Variants in ADPRH observed in about 807,000 individuals in gnomAD.
ADPRH encodes ADP-ribosylarginine hydrolase.
Under a neutral mutation model 28.8 loss-of-function variants are expected in ADPRH, and 27 were observed. The ratio of observed to expected loss-of-function variants is 0.94; its 90% CI spans 0.69 to 1.29. ADPRH has a LOEUF of 1.29. Among genes scored for constraint, ADPRH ranks in the 50% most tolerant of loss-of-function variants. ADPRH has a pLI of 0.00. For missense variants in ADPRH, 419 were observed against 444.8 expected, an observed-to-expected ratio of 0.94 and a Z score of 0.52; for synonymous variants, 161 against 166.9, an observed-to-expected ratio of 0.96 and a Z score of 0.27.
rs1008153527 is a variant in ADPRH, at chr3:119,579,544, T to C, written c.-430T>C. The C allele has an allele frequency of 6.6e-6, 1 of 152,274 alleles. No individual in the cohort carries two copies. The highest frequency in any genetic ancestry group is 6.5e-5 in the Admixed American group (1 of 15,294). The allele number at this position is 152,274 out of a possible 1,614,324, so 9.4% of individuals were successfully genotyped here. On this transcript the variant is annotated 5_prime_UTR_variant, in exon 1 of 5. Coordinates refer to ENST00000357003, the MANE Select transcript of ADPRH (RefSeq NM_001125.4). ...TGCCGCCACATTCCGGGCACCAGGC[T>C]CCGGGCTCTTCAGAGCATTTGGGGC...
chr3:119,582,085 T>TTATTTG, intron 2 of ADPRH, 49 bp from the exon 3 acceptor site: 1 of 1,329,854 alleles, frequency 7.5e-7, no homozygotes, highest in Non-Finnish European at 1.0e-6. Context: ...TTTTTTCTGA[T>TTATTTG]TCTTCTTGCT....
intron 3 of ADPRH, among the ~76,000 whole-genome samples, chr3:119,585,653 G>C (rs1160646775): frequency 6.6e-6 from 1 of 152,222 alleles, no homozygotes; most frequent in African/African-American, 2.4e-5. Context: ...GGGTTCAAAC[G>C]ATTCTCCTGC....
chr3:119,584,646 G>A (rs555179956), intron 3 of ADPRH, among the ~76,000 whole-genome samples: 116 of 152,310 alleles, frequency 7.6e-4, no homozygotes, highest in Admixed American at 1.4e-3. Context: ...TCGGCAACTT[G>A]TTAGAGCCAC....
Position 119,582,463 on chromosome 3 carries a change from A to C in ADPRH, c.294A>C (p.Ala98=), listed in dbSNP as rs2082416485. ...GCATGGAAGACATGGATGGGCGGGC[A>C]CCAGGTGAGCACAGCCGGTGGGAGG... ...QDCMEDMDGR[A]PGGASVHNAM... Residue 98 remains alanine, a synonymous_variant, in exon 3 of 5, where the codon GCA becomes GCC. Coordinates refer to ENST00000357003, the MANE Select transcript of ADPRH (RefSeq NM_001125.4). 6.2e-7 allele frequency: 1 copy of C among 1,612,002 alleles called. No homozygotes were observed. The highest frequency in any genetic ancestry group is 1.3e-5 in the African/African-American group (1 of 74,922).
intron 3 of ADPRH, among the ~76,000 whole-genome samples, chr3:119,583,026 C>T (rs940401535): frequency 1.3e-5 from 2 of 152,096 alleles, no homozygotes; most frequent in African/African-American, 2.4e-5. Flanking sequence ...TAAAACCGGT[C>T]GCTGGTGCCA....
In ADPRH at chr3:119,582,248, C is replaced by G. The variant is rs779094664; in HGVS notation, c.79C>G (p.Leu27Val). The G allele has an allele frequency of 6.2e-7, 1 of 1,614,216 alleles. No individual in the cohort carries two copies. Among genetic ancestry groups the G allele is most frequent in the East Asian group, 2.2e-5 (1 of 44,886 alleles). The change falls in exon 3 of 5, where the codon CTC becomes GTC. Residue 27 changes from leucine to valine, a missense_variant. By Grantham distance (32) the Leu-to-Val change is conservative. Transcript: ENST00000357003. Reference sequence around the variant, plus strand: ...GTACTACAATGGGAAGTGGGAGTTCCTCCAGGATGGGGAGAAGATACACCG... The same window carrying G: ...GTACTACAATGGGAAGTGGGAGTTCGTCCAGGATGGGGAGAAGATACACCG... ...LGYYNGKWEF[L>V]QDGEKIHRQL...
At chr3:119,584,565 GA>G (rs574311449) in intron 3 of ADPRH, among the ~76,000 whole-genome samples, 2 of 150,918 alleles carry the variant, frequency 1.3e-5, no homozygotes, top group Non-Finnish European at 3.0e-5. Context: ...CCCATCTCAA[GA>G]AAAAAAAATG....
intron 3 of ADPRH, among the ~76,000 whole-genome samples, chr3:119,583,862 C>G (rs1422209190): frequency 6.6e-6 from 1 of 152,106 alleles, no homozygotes; most frequent in Non-Finnish European, 1.5e-5. Context: ...ACTGCAACCT[C>G]TGCCTCCCAG....
At position 119,589,899 on chromosome 3, in the gene ADPRH, A is replaced by T. The variant is rs2082500900; in HGVS notation, c.*2021A>T. 6.6e-6 allele frequency: 1 copy of T among 152,190 alleles called. No individual in the cohort carries two copies. The highest frequency in any genetic ancestry group is 1.5e-5 in the Non-Finnish European group (1 of 68,040). 9.4% of individuals were successfully genotyped at this position (152,190 alleles called of 1,614,324 possible). The stretch of plus-strand genomic sequence containing the variant: ...CGAATGGGGGGAAGAGATAAACTTT[A>T]TGCATAACATTAGGGTAAATCAATA... On this transcript the variant is annotated 3_prime_UTR_variant, in exon 5 of 5. Transcript: ENST00000357003.
At chr3:119,582,647 A>G (rs1044584614) in intron 3 of ADPRH, among the ~76,000 whole-genome samples, 180 bp downstream of exon 3, 1 of 152,224 alleles carries the variant, frequency 6.6e-6, no homozygotes, top group Non-Finnish European at 1.5e-5. Flanking sequence ...TTGGGAGGCC[A>G]AGGTGAGAGA....
rs1425711086 is a variant in ADPRH at position 119,586,376 on chromosome 3, G to A, written c.390G>A (p.Gly130=). The A allele has an allele frequency of 6.2e-7, 1 of 1,614,182 alleles. No individual in the cohort carries two copies. Among genetic ancestry groups the A allele is most frequent in the East Asian group, 2.2e-5 (1 of 44,886 alleles). ...TCAACAGCCATGAGGGCGGCTGTGG[G>A]GCTGCCATGCGGGCCATGTGCATCG... The part of the protein sequence containing the change: ...IPFNSHEGGC[G]AAMRAMCIGL... The change falls in exon 4 of 5, where the codon GGG becomes GGA. Residue 130 remains glycine, a synonymous_variant. Coordinates refer to ENST00000357003, the MANE Select transcript of ADPRH (RefSeq NM_001125.4).
chr3:119,582,617 A>C, intron 3 of ADPRH, 150 bp downstream of exon 3: 1 of 978,052 alleles, frequency 1.0e-6, no homozygotes, highest in South Asian at 1.8e-5. Flanking sequence ...GTGGTGGCTC[A>C]TACCTGTAAT....
chr3:119,584,419 T>C (rs2082439154), intron 3 of ADPRH, among the ~76,000 whole-genome samples: 1 of 151,934 alleles, frequency 6.6e-6, no homozygotes, highest in South Asian at 2.1e-4. Flanking sequence ...AAAAATTAGC[T>C]GGGTGTGATG....
chr3:119,586,877 C>T (rs4688018), intron 4 of ADPRH, among the ~76,000 whole-genome samples: 7 of 152,250 alleles, frequency 4.6e-5, no homozygotes, highest in East Asian at 1.9e-4. Flanking sequence ...CCCTCTTACA[C>T]GGAATCCTGT....
intron 3 of ADPRH, 57 bp from the exon 4 acceptor site, chr3:119,586,228 G>C: frequency 6.3e-7 from 1 of 1,593,784 alleles, no homozygotes; most frequent in Admixed American, 1.7e-5. Flanking sequence ...ATTTATTCCT[G>C]CTGGGGCCTT....
At position 119,588,144 on chromosome 3, in the gene ADPRH, A is replaced by C. The variant is rs2082483073; in HGVS notation, c.*266A>C. ...AAAAAATCTCATGACCTCATATTTG[A>C]GTCTTCATTTTCATCATCTACTTGT... On this transcript the variant is annotated 3_prime_UTR_variant, in exon 5 of 5. Coordinates refer to ENST00000357003, the MANE Select transcript of ADPRH (RefSeq NM_001125.4). 3.1e-6 allele frequency: 1 copy of C among 319,398 alleles called. No homozygotes were observed. The highest frequency in any genetic ancestry group is 1.5e-4 in the South Asian group (1 of 6,522). 19.8% of individuals were successfully genotyped at this position (319,398 alleles called of 1,614,324 possible).
rs780540799 is a variant in ADPRH at position 119,586,511 on chromosome 3, T to TGCTCTTTTTACA, written c.528_539dup (p.Leu177_Ala180dup). ...CAGGCTACCTGGGGGCCCTTGCGTC[T>TGCTCTTTTTACA]GCTCTTTTTACAGCCTATGCTGTGA... On this transcript the variant is annotated inframe_insertion, in exon 4 of 5. Transcript: ENST00000357003. 5.6e-6 allele frequency: 9 copies of TGCTCTTTTTACA among 1,614,132 alleles called. No homozygotes were observed. The Admixed American group carries it at 6.7e-5, about 12-fold the overall frequency.
At chr3:119,586,895 G>T (rs1171896686) in intron 4 of ADPRH, among the ~76,000 whole-genome samples, 2 of 152,168 alleles carry the variant, frequency 1.3e-5, no homozygotes, top group Non-Finnish European at 2.9e-5. Flanking sequence ...TGTCATTTTT[G>T]TGGCTATCCT....
rs555253352 is a variant in ADPRH at position 119,588,132 on chromosome 3, A to G, written c.*254A>G. The G allele has an allele frequency of 6.4e-5, 22 of 343,744 alleles. No individual in the cohort carries two copies. Among genetic ancestry groups the G allele is most frequent in the Middle Eastern group, 7.3e-4 (1 of 1,362 alleles). The allele number at this position is 343,744 out of a possible 1,614,324, so 21.3% of individuals were successfully genotyped here. ...CGTCTCGCAAGCAAAAAATCTCATGACCTCATATTTGAGTCTTCATTTTCA... is the reference window on the plus strand; with the variant it reads ...CGTCTCGCAAGCAAAAAATCTCATGGCCTCATATTTGAGTCTTCATTTTCA... On this transcript the variant is annotated 3_prime_UTR_variant, in exon 5 of 5. Transcript: ENST00000357003.
Sources: gnomAD v4.1 joint callset for allele counts (sites outside exome capture counted in the v4.1 genomes callset) on GRCh38, gnomAD v4.1.1 for gene constraint, MANE v1.5 for transcripts, NCBI Gene and HGNC (gene_info 2026-07-23, HGNC 2026-07-21) for gene names.